USH2A: variants seen among roughly 807,000 people sequenced by gnomAD.
USH2A encodes the protein usherin, also known as Usher syndrome 2A (autosomal recessive, mild).
USH2A carries 443 observed loss-of-function variants against 538.9 expected under a neutral mutation model. That is an observed-to-expected ratio of 0.82 (90% CI 0.76 to 0.89). USH2A has a LOEUF of 0.89. USH2A is among the 40% of genes least tolerant of loss of function. The pLI is 0.00. For synonymous variants in USH2A, 2,413 were observed against 2,273.5 expected (o/e 1.06, Z -1.75); for missense variants, 6,633 against 6,324.8 (o/e 1.05, Z -1.65).
intron 13 of USH2A, among the ~76,000 whole-genome samples, chr1:216,239,311 G>T (rs1012846801): frequency 6.6e-6 from 1 of 152,136 alleles, no homozygotes; most frequent in African/African-American, 2.4e-5. Flanking sequence ...AACGCTTTTC[G>T]TAAGTGTTGT....
intron 58 of USH2A, among the ~76,000 whole-genome samples, chr1:215,750,567 T>C (rs762982691): frequency 1.3e-5 from 2 of 152,228 alleles, no homozygotes; most frequent in African/African-American, 2.4e-5. Flanking sequence ...CTGAATTACA[T>C]TGTCCTCATT....
At chr1:215,672,939 A>G (rs1227185938) in intron 63 of USH2A, among the ~76,000 whole-genome samples, 1 of 152,206 alleles carries the variant, frequency 6.6e-6, no homozygotes, top group Non-Finnish European at 1.5e-5. Flanking sequence ...TTTCACCTCT[A>G]GAATACTTTT....
Position 215,625,336 on chromosome 1 carries a change from C to T in USH2A, c.*445G>A, listed in dbSNP as rs1041325225. ...GTGATCATTAGAATAACTATTCTTG[C>T]AGGATTGTGTCAACCCTGACAGAAA... On this transcript the variant is annotated 3_prime_UTR_variant, in exon 72 of 72. Transcript: ENST00000307340. 9.1e-4 allele frequency: 200 copies of T among 218,876 alleles called. 4 individuals are homozygous for T. The Admixed American group carries it at 0.011, about 12-fold the overall frequency. 13.6% of individuals were successfully genotyped at this position (218,876 alleles called of 1,614,324 possible). A position where few individuals can be genotyped will look rare whatever the true frequency, so the allele number is the denominator to read the frequency against.
intron 27 of USH2A, among the ~76,000 whole-genome samples, chr1:216,076,315 C>A (rs2031747975): frequency 6.6e-6 from 1 of 152,072 alleles, no homozygotes; most frequent in East Asian, 1.9e-4. Context: ...TAATATTACT[C>A]ACTAATAAAA....
At chr1:215,631,936 C>T (rs546668027) in intron 70 of USH2A, among the ~76,000 whole-genome samples, 5 of 152,348 alleles carry the variant, frequency 3.3e-5, no homozygotes, top group Non-Finnish European at 7.3e-5. Flanking sequence ...CTAACCAGCA[C>T]CCTCCCACCA....
At chr1:215,629,778 T>C (rs376345767) in intron 70 of USH2A, among the ~76,000 whole-genome samples, 4,188 of 145,122 alleles carry the variant, frequency 0.029, 66 homozygotes, top group Non-Finnish European at 0.047. Context: ...CTTTTCTTTT[T>C]TTTTTTTTTT....
At chr1:215,998,862 G>A (rs1214714301) in intron 34 of USH2A, 25 bp downstream of exon 34, 10 of 1,609,534 alleles carry the variant, frequency 6.2e-6, no homozygotes, top group Middle Eastern at 3.3e-4. Context: ...AATGGGGACA[G>A]AGAAAGTGAT....
chr1:216,179,202 A>C (rs990828586), intron 20 of USH2A, among the ~76,000 whole-genome samples: 1 of 152,144 alleles, frequency 6.6e-6, no homozygotes. Context: ...TTACGTCTTA[A>C]ACAGGAATAT....
chr1:216,019,748 T>C (rs1043146564), intron 32 of USH2A, among the ~76,000 whole-genome samples: 1 of 152,164 alleles, frequency 6.6e-6, no homozygotes, highest in Non-Finnish European at 1.5e-5. Flanking sequence ...CAGTTTAATT[T>C]GGAGTGATAT....
At chr1:215,875,340 A>T (rs1038569564) in intron 43 of USH2A, among the ~76,000 whole-genome samples, 1 of 152,058 alleles carries the variant, frequency 6.6e-6, no homozygotes, top group Admixed American at 6.5e-5. Context: ...TTTAATAAAT[A>T]AAAAAAATCT....
intron 21 of USH2A, among the ~76,000 whole-genome samples, chr1:216,131,473 T>C (rs2033375324): frequency 6.6e-6 from 1 of 152,124 alleles, no homozygotes; most frequent in Non-Finnish European, 1.5e-5. Context: ...CATCTTGAGT[T>C]GATATTTGTA....
Position 215,648,738 on chromosome 1 carries a change from G to T in USH2A, c.14372C>A (p.Thr4791Asn), listed in dbSNP as rs1243620997. 3 of 1,614,076 alleles carry T rather than the reference G, an allele frequency of 1.9e-6. No homozygotes were observed. Among genetic ancestry groups the T allele is most frequent in the Non-Finnish European group, 2.5e-6 (3 of 1,180,034 alleles). Residue 4791 changes from threonine to asparagine, a missense_variant, in exon 66 of 72, where the codon ACT becomes AAT. By Grantham distance (65) the Thr-to-Asn change is moderately conservative (BLOSUM62 0). Coordinates refer to ENST00000307340, the MANE Select transcript of USH2A (RefSeq NM_206933.4). ...AGTGAAGGCTTGAAGGCCATGGAGA[G>T]TCTGCTGGGTGGCCATGCCTTCGGA... ...VLSEGMATQQ[T>N]LHGLQAFTNY...
intron 20 of USH2A, among the ~76,000 whole-genome samples, chr1:216,183,732 A>C (rs1306339083): frequency 1.3e-5 from 2 of 152,054 alleles, no homozygotes; most frequent in Non-Finnish European, 2.9e-5. Flanking sequence ...ATCTGCGAGC[A>C]TGCTACAGCA....
intron 44 of USH2A, among the ~76,000 whole-genome samples, chr1:215,862,545 C>G (rs909283602): frequency 1.3e-5 from 2 of 152,064 alleles, no homozygotes; most frequent in Admixed American, 6.6e-5. Context: ...CAGATGTACC[C>G]TAGAACTTAA....
chr1:215,801,560 CT>C (rs1461286510), intron 49 of USH2A, among the ~76,000 whole-genome samples: 2 of 151,760 alleles, frequency 1.3e-5, no homozygotes, highest in African/African-American at 4.8e-5. Flanking sequence ...AAAAGAAAGA[CT>C]TAAGAATGAG....
chr1:216,210,139 T>C (rs12081928), intron 15 of USH2A, among the ~76,000 whole-genome samples: 2,376 of 151,930 alleles, frequency 0.016, 64 homozygotes, highest in African/African-American at 0.052. Context: ...CCCCACTCAG[T>C]CGATTAGTAT....
chr1:216,338,810 A>C (rs1169648709), intron 4 of USH2A, among the ~76,000 whole-genome samples: 1 of 151,618 alleles, frequency 6.6e-6, no homozygotes, highest in African/African-American at 2.4e-5. Context: ...TAAAGAAATT[A>C]AAATTAAAAC....
At chr1:216,396,310 A>T (rs1348930381) in intron 3 of USH2A, among the ~76,000 whole-genome samples, 1 of 152,200 alleles carries the variant, frequency 6.6e-6, no homozygotes, top group East Asian at 1.9e-4. Context: ...TTTAGAATTC[A>T]TCAAGAATTT....
At chr1:215,932,438 A>G (rs1454254301) in intron 38 of USH2A, among the ~76,000 whole-genome samples, 2 of 152,076 alleles carry the variant, frequency 1.3e-5, no homozygotes, top group Non-Finnish European at 2.9e-5. Flanking sequence ...TGTGTAAATC[A>G]GGATAATATG....
Sources: allele counts gnomAD v4.1 joint callset (sites outside exome capture counted in the v4.1 genomes callset), GRCh38; gene constraint gnomAD v4.1.1; transcripts MANE v1.5; gene names NCBI Gene and HGNC (gene_info 2026-07-23, HGNC 2026-07-21).